The following NSMCE4A variants were observed in gnomAD, a reference collection of about 807,000 sequenced individuals.
NSMCE4A encodes non-structural maintenance of chromosomes element 4 homolog A.
In NSMCE4A, 40 loss-of-function variants were observed where a neutral mutation model predicts 47.9. The ratio of observed to expected loss-of-function variants is 0.83; its 90% confidence interval spans 0.65 to 1.09. The LOEUF is 1.09. NSMCE4A is among the 50% of genes least tolerant of loss of function. NSMCE4A has a pLI of 0.00. For missense variants in NSMCE4A, 500 were observed against 507.0 expected, an observed-to-expected ratio of 0.99 and a Z score of 0.13; for synonymous variants, 166 against 178.5, an observed-to-expected ratio of 0.93 and a Z score of 0.56.
In NSMCE4A at chr10:121,967,811, A is replaced by T. The variant is rs763494961; in HGVS notation, c.502-5T>A. ...ATTTACACCCATATGTGTGAGCTAC[A>T]AAAATGAAGGAAAACAAAAAACCCA... is the stretch of plus-strand genomic sequence containing the variant. On this transcript the variant is annotated splice_polypyrimidine_tract_variant and splice_region_variant and intron_variant, in intron 3 of 10. Transcript: ENST00000369023. The T allele has an allele frequency of 1.9e-6, 3 of 1,594,442 alleles. No individual in the cohort carries two copies. The highest frequency in any genetic ancestry group is 2.6e-6 in the Non-Finnish European group (3 of 1,175,010).
Position 121,971,033 on chromosome 10 carries a change from A to T in NSMCE4A, c.407T>A (p.Phe136Tyr). The T allele has an allele frequency of 1.2e-6, 2 of 1,613,998 alleles. No homozygotes were observed. The highest frequency in any genetic ancestry group is 1.7e-6 in the Non-Finnish European group (2 of 1,179,924). ...GCCCAAATCTGAAGCCAAAACAAGA[A>T]AGTGGGCATCCAGGACTGCTTCTCT... ...RAREAVLDAHFLVLASDLGKE... is the reference protein window; with the variant it reads ...RAREAVLDAHYLVLASDLGKE... Residue 136 changes from phenylalanine to tyrosine, a missense_variant, in exon 3 of 11, where the codon TTT becomes TAT. Physicochemically the swap from Phe to Tyr is conservative, Grantham distance 22. Coordinates refer to ENST00000369023, the MANE Select transcript of NSMCE4A (RefSeq NM_017615.3).
chr10:121,972,159 T>C (rs1952726330), intron 2 of NSMCE4A, among the ~76,000 whole-genome samples: 1 of 152,066 alleles, frequency 6.6e-6, no homozygotes, highest in Non-Finnish European at 1.5e-5. Flanking sequence ...CCATCTCTAC[T>C]AAAGAATCAA....
chr10:121,958,013 A>G (rs1467704279), intron 10 of NSMCE4A, among the ~76,000 whole-genome samples: 4 of 151,936 alleles, frequency 2.6e-5, no homozygotes, highest in Non-Finnish European at 5.9e-5. Context: ...GCGGACCACA[A>G]GGTCAGGAGT....
At chr10:121,965,206 T>C (rs1952584189) in intron 5 of NSMCE4A, 80 bp downstream of exon 5, 1 of 973,474 alleles carries the variant, frequency 1.0e-6, no homozygotes, top group Non-Finnish European at 1.6e-6. Context: ...TTAGAAAAAA[T>C]GGCCAAATTG....
chr10:121,957,109 A>C lies in NSMCE4A; in HGVS notation c.*163T>G, dbSNP rs1458131752. The C allele has an allele frequency of 6.6e-6, 1 of 152,644 alleles. No individual in the cohort carries two copies. The highest frequency in any genetic ancestry group is 6.5e-5 in the Admixed American group (1 of 15,278). The allele number at this position is 152,644 out of a possible 1,614,324, so 9.5% of individuals were successfully genotyped here. On this transcript the variant is annotated 3_prime_UTR_variant, in exon 11 of 11. Coordinates refer to ENST00000369023, the MANE Select transcript of NSMCE4A (RefSeq NM_017615.3). ...ACAATTATTTGTGAATATGGCGGTG[A>C]GTTTCCTTTAATCAAAGACAACCAT...
At chr10:121,973,953 C>T (rs1485653022) in intron 2 of NSMCE4A, 51 bp downstream of exon 2, 1 of 1,273,704 alleles carries the variant, frequency 7.9e-7, no homozygotes, top group Middle Eastern at 2.6e-4. Flanking sequence ...TTATGTAACA[C>T]TAATTAAAAG....
At chr10:121,973,977 G>T in intron 2 of NSMCE4A, 27 bp downstream of exon 2, 1 of 1,474,996 alleles carries the variant, frequency 6.8e-7, no homozygotes, top group Non-Finnish European at 9.3e-7. Flanking sequence ...CATAAAACAC[G>T]AAATAACATA....
Position 121,961,060 on chromosome 10 carries a change from C to T in NSMCE4A, c.939+363G>A, listed in dbSNP as rs375825359. On this transcript the variant is annotated intron_variant, in intron 7 of 10. Coordinates refer to ENST00000369023, the MANE Select transcript of NSMCE4A (RefSeq NM_017615.3). ...TTATGAATGAAGTGAGAATGATAGG[C>T]GGCCTGCTTCTTTTCCCTAATCTTT... is the stretch of plus-strand genomic sequence containing the variant. Among the ~76,000 whole-genome samples the T allele has an allele frequency of 5.3e-4, 80 of 152,256 alleles. No homozygotes were observed. In the South Asian group the frequency reaches 0.016, roughly 30 times the overall value.
chr10:121,958,668 T>G (rs557368043), intron 10 of NSMCE4A, among the ~76,000 whole-genome samples: 4 of 152,274 alleles, frequency 2.6e-5, no homozygotes, highest in Admixed American at 2.6e-4. Context: ...CCCAGCACTT[T>G]GGGAAGCTGA....
intron 5 of NSMCE4A, among the ~76,000 whole-genome samples, chr10:121,964,434 C>CTGTGCCTGGCCT (rs1181981117): frequency 8.0e-5 from 12 of 150,696 alleles, no homozygotes; most frequent in South Asian, 2.1e-4. Context: ...GCGTAAGCCA[C>CTGTGCCTGGCCT]CACACTCGGG....
chr10:121,962,145 G>A (rs962297029), intron 6 of NSMCE4A: 9 of 364,058 alleles, frequency 2.5e-5, no homozygotes, highest in African/African-American at 6.9e-5. Context: ...TTGGCCGGGC[G>A]CGGTGGCTCA....
rs1231060390 is a variant in NSMCE4A at position 121,974,986 on chromosome 10, C to G, written c.180G>C (p.Pro60=). 3.3e-6 allele frequency: 5 copies of G among 1,522,504 alleles called. No individual in the cohort carries two copies. The highest frequency in any genetic ancestry group is 2.1e-5 in the Admixed American group (1 of 48,726). 94.3% of individuals were successfully genotyped at this position (1,522,504 alleles called of 1,614,324 possible). A position where few individuals can be genotyped will look rare whatever the true frequency, so the allele number is the denominator to read the frequency against. The change falls in exon 1 of 11, where the codon CCG becomes CCC. Residue 60 remains proline (P), a synonymous_variant. Transcript: ENST00000369023. The stretch of plus-strand genomic sequence containing the variant: ...CCATCATCTCGTCCCCGGAATCCGA[C>G]GGCTCTGTGTCCTCCAGGCTCGGGC... The part of the protein sequence containing the change: ...PERPSLEDTE[P]SDSGDEMMDP...
chr10:121,963,333 A>AAAAAGTC lies in NSMCE4A; in HGVS notation c.754-12_754-6dup, dbSNP rs1482608353. 2.5e-6 allele frequency: 4 copies of AAAAAGTC among 1,574,298 alleles called. No individual in the cohort carries two copies. In the African/African-American group the frequency reaches 4.0e-5, roughly 16 times the overall value. ...AGATTCTTCCATTCTTCTTAACTGA[A>AAAAAGTC]AAAAGTCATTATCAAGCTGACAGAC... is the stretch of plus-strand genomic sequence containing the variant. On this transcript the variant is annotated splice_polypyrimidine_tract_variant and splice_region_variant and intron_variant, in intron 5 of 10. Transcript: ENST00000369023.
In NSMCE4A at chr10:121,960,520, C is replaced by T. The variant is rs1952479139; in HGVS notation, c.940-114G>A. On this transcript the variant is annotated intron_variant, in intron 7 of 10. Coordinates refer to ENST00000369023, the MANE Select transcript of NSMCE4A (RefSeq NM_017615.3). The surrounding 1 kb of genome is among the most constrained non-coding windows in gnomAD (Gnocchi z 4.2). The stretch of plus-strand genomic sequence containing the variant: ...AGTATCTCAGAAAATCAAATTACAC[C>T]ATAGCAATAATAAGGTGATGATATA... 3.1e-6 allele frequency: 2 copies of T among 652,124 alleles called. No individual in the cohort carries two copies. The highest frequency in any genetic ancestry group is 3.9e-5 in the Admixed American group (1 of 25,488). 40.4% of individuals were successfully genotyped at this position (652,124 alleles called of 1,614,324 possible). A position where few individuals can be genotyped will look rare whatever the true frequency, so the allele number is the denominator to read the frequency against.
chr10:121,973,984 C>A lies in NSMCE4A; in HGVS notation c.370+20G>T. ...AAAAGTATCATAAAACACGAAATAA[C>A]ATATAAAATAACAAATTACCTTCAT... On this transcript the variant is annotated intron_variant, in intron 2 of 10. Transcript: ENST00000369023. The A allele has an allele frequency of 6.6e-7, 1 of 1,510,892 alleles. No individual in the cohort carries two copies. Among genetic ancestry groups the A allele is most frequent in the South Asian group, 1.2e-5 (1 of 84,222 alleles). The allele number at this position is 1,510,892 out of a possible 1,614,324, so 93.6% of individuals were successfully genotyped here.
chr10:121,963,891 G>T (rs1000576419), intron 5 of NSMCE4A, among the ~76,000 whole-genome samples: 2 of 150,610 alleles, frequency 1.3e-5, no homozygotes, highest in East Asian at 4.0e-4. Context: ...AAGGTCAGGA[G>T]TTCGAGACCA....
chr10:121,965,642 T>C (rs560030201), intron 4 of NSMCE4A: 21 of 379,228 alleles, frequency 5.5e-5, no homozygotes, highest in Non-Finnish European at 7.5e-5. Flanking sequence ...CCCTGTAAAG[T>C]AGGCCAGTGA....
At chr10:121,965,626 A>G (rs1952592878) in intron 4 of NSMCE4A, 1 of 446,148 alleles carries the variant, frequency 2.2e-6, no homozygotes, top group South Asian at 4.4e-5. Flanking sequence ...AGACACCTAC[A>G]TACTGCCCTG....
chr10:121,960,457 C>T lies in NSMCE4A; in HGVS notation c.940-51G>A. ...GAAGACAAACATTTAAGACTCAAACCTATACGCACTAGATGGAAAAAATTA... is the reference window on the plus strand; with the variant it reads ...GAAGACAAACATTTAAGACTCAAACTTATACGCACTAGATGGAAAAAATTA... On this transcript the variant is annotated intron_variant, in intron 7 of 10. Coordinates refer to ENST00000369023, the MANE Select transcript of NSMCE4A (RefSeq NM_017615.3). This position sits in a 1 kb window ranked among gnomAD's most constrained non-coding sequence, Gnocchi z 4.2. The T allele has an allele frequency of 7.6e-7, 1 of 1,321,484 alleles. No individual in the cohort carries two copies. Among genetic ancestry groups the T allele is most frequent in the Non-Finnish European group, 1.0e-6 (1 of 976,972 alleles). The allele number at this position is 1,321,484 out of a possible 1,614,324, so 81.9% of individuals were successfully genotyped here. A position where few individuals can be genotyped will look rare whatever the true frequency, so the allele number is the denominator to read the frequency against.
Sources: gnomAD v4.1 joint callset for allele counts (sites outside exome capture counted in the v4.1 genomes callset) on GRCh38, gnomAD v4.1.1 for gene constraint, Gnocchi (gnomAD v3.1) non-coding constraint, MANE v1.5 for transcripts, NCBI Gene and HGNC (gene_info 2026-07-23, HGNC 2026-07-21) for gene names.